Variants in CLIP4 observed in about 807,000 individuals in gnomAD.
The protein encoded by CLIP4 is CAP-Gly domain-containing linker protein 4.
Under a neutral mutation model 73.1 loss-of-function variants are expected in CLIP4, and 47 were observed. The ratio of observed to expected loss-of-function variants is 0.64; its 90% CI spans 0.51 to 0.82. The LOEUF is 0.82. Ranked by LOEUF, CLIP4 falls within the 40% of genes least tolerant of loss-of-function variation. The probability of loss-of-function intolerance (pLI) is 0.00; values close to 1 mark genes in which losing one functional copy is unlikely to be tolerated. For synonymous variants in CLIP4, 306 were observed against 295.4 expected, an observed-to-expected ratio of 1.04 and a Z score of -0.37; for missense variants, 874 against 852.9, an observed-to-expected ratio of 1.02 and a Z score of -0.31.
intron 15 of CLIP4, among the ~76,000 whole-genome samples, chr2:29,177,511 G>A (rs903153841): frequency 6.6e-6 from 1 of 151,984 alleles, no homozygotes; most frequent in African/African-American, 2.4e-5. Context: ...AACCTGGGGG[G>A]CAGAGGTTGC....
chr2:29,107,375 T>TGTTTTTTTTGTTTTTTTTGTTTTTTTTG (rs1558505011), intron 1 of CLIP4, among the ~76,000 whole-genome samples: 3 of 129,226 alleles, frequency 2.3e-5, no homozygotes, highest in Admixed American at 7.9e-5. Context: ...TTTTTTTTTT[T>TGTTTTTTTTGTTTTTTTTGTTTTTTTTG]TTTTTTTTTT....
rs773235139 is a variant in CLIP4, at chr2:29,167,477, G to T, written c.1660G>T (p.Val554Leu). 8.7e-6 allele frequency: 14 copies of T among 1,604,464 alleles called. No individual in the cohort carries two copies. The highest frequency in any genetic ancestry group is 1.0e-5 in the Non-Finnish European group (12 of 1,175,296). Residue 554 changes from valine to leucine, a missense_variant and splice_region_variant, in exon 14 of 16, where the codon GTA becomes TTA. By Grantham distance (32) the Val-to-Leu change is conservative. Transcript: ENST00000320081. ...IFAPPSRVQR[V>L]TDSLDTLSEI... ...AGATGTCCTTTGTTTTATTCATAGA[G>T]TAACAGATTCCCTGGATACCCTTTC... is the stretch of plus-strand genomic sequence containing the variant.
At chr2:29,118,374 C>T (rs1271151351) in intron 1 of CLIP4, 4 of 152,096 alleles carry the variant, frequency 2.6e-5, no homozygotes, top group Non-Finnish European at 4.4e-5. Context: ...ATTTGAGCCA[C>T]GTTATGTAAG....
chr2:29,167,461 T>C lies in CLIP4; in HGVS notation c.1659-15T>C, dbSNP rs7588158. On this transcript the variant is annotated splice_polypyrimidine_tract_variant and intron_variant, in intron 13 of 15. Coordinates refer to ENST00000320081, the MANE Select transcript of CLIP4 (RefSeq NM_024692.6). The stretch of plus-strand genomic sequence containing the variant: ...CCAGCTACTTCTAACGAGATGTCCT[T>C]TGTTTTATTCATAGAGTAACAGATT... 1.1e-3 allele frequency: 1,686 copies of C among 1,582,636 alleles called. 22 individuals are homozygous for C. The African/African-American group carries it at 0.02, about 19-fold the overall frequency.
intron 15 of CLIP4, among the ~76,000 whole-genome samples, chr2:29,176,806 G>A (rs1291314347): frequency 1.3e-5 from 2 of 152,042 alleles, no homozygotes; most frequent in African/African-American, 4.8e-5. Context: ...ATCCTCACTG[G>A]GTCCTGTCTG....
intron 12 of CLIP4, among the ~76,000 whole-genome samples, chr2:29,162,048 A>T (rs1367464275): frequency 6.6e-6 from 1 of 152,198 alleles, no homozygotes; most frequent in Non-Finnish European, 1.5e-5. Context: ...GATATACTTA[A>T]TATAGGATTC....
chr2:29,173,519 G>A (rs182054493), intron 14 of CLIP4, among the ~76,000 whole-genome samples: 10 of 152,328 alleles, frequency 6.6e-5, no homozygotes, highest in African/African-American at 2.4e-4. Context: ...GAATTCAGCG[G>A]AAAGCCTGCT....
chr2:29,172,827 T>G (rs1458366736), intron 14 of CLIP4, among the ~76,000 whole-genome samples: 1 of 152,158 alleles, frequency 6.6e-6, no homozygotes, highest in East Asian at 1.9e-4. Flanking sequence ...TCAGCTATGT[T>G]TATTCTGCTG....
chr2:29,119,329 T>C (rs1001799469), intron 1 of CLIP4, among the ~76,000 whole-genome samples: 1 of 152,202 alleles, frequency 6.6e-6, no homozygotes, highest in African/African-American at 2.4e-5. Flanking sequence ...ACGATAGAGT[T>C]CGTATCTTTG....
In CLIP4 at chr2:29,100,216, C is replaced by G. The variant is rs987354592; in HGVS notation, c.-16+2269C>G. 2.6e-5 allele frequency among the ~76,000 whole-genome samples: 4 copies of G among 152,202 alleles called. No homozygotes were observed. In the East Asian group the frequency reaches 5.8e-4, roughly 22 times the overall value. On this transcript the variant is annotated intron_variant, in intron 1 of 14. Transcript: ENST00000401605. ...AAATTCTGGGATTACAGGCATGAGC[C>G]ACCATGCCTGGCCACAACTGACTTT...
chr2:29,150,133 G>T (rs990209709), intron 8 of CLIP4, among the ~76,000 whole-genome samples: 1 of 152,166 alleles, frequency 6.6e-6, no homozygotes, highest in African/African-American at 2.4e-5. Flanking sequence ...TACATCCTAG[G>T]CAATTCCACC....
At chr2:29,128,454 AAAAAC>A (rs959215968) in intron 2 of CLIP4, among the ~76,000 whole-genome samples, 3 of 152,054 alleles carry the variant, frequency 2.0e-5, no homozygotes, top group Non-Finnish European at 4.4e-5. Flanking sequence ...AAAAACAAAA[AAAAAC>A]AAAACCCCTT....
intron 2 of CLIP4, among the ~76,000 whole-genome samples, chr2:29,124,541 T>C (rs934442470): frequency 5.9e-5 from 9 of 152,174 alleles, no homozygotes; most frequent in African/African-American, 2.2e-4. Context: ...TTTTGTCTGC[T>C]TCTCCCCGTT....
chr2:29,166,841 T>G (rs918341657), intron 13 of CLIP4, among the ~76,000 whole-genome samples: 2 of 152,210 alleles, frequency 1.3e-5, no homozygotes, highest in African/African-American at 4.8e-5. Context: ...GGTAATAAGA[T>G]ATGCTGGAGG....
chr2:29,145,723 C>A (rs1372629330), intron 8 of CLIP4, among the ~76,000 whole-genome samples: 2 of 152,190 alleles, frequency 1.3e-5, no homozygotes, highest in Non-Finnish European at 2.9e-5. Flanking sequence ...GCTCTGTCGC[C>A]CAGGCTATAG....
chr2:29,145,444 A>C, intron 8 of CLIP4, 77 bp downstream of exon 8: 1 of 1,245,940 alleles, frequency 8.0e-7, no homozygotes, highest in Non-Finnish European at 1.1e-6. Context: ...TTGTTAAATA[A>C]AACTTTTCTC....
Position 29,126,579 on chromosome 2 carries a change from C to A in CLIP4, c.134-4679C>A, listed in dbSNP as rs568579733. Among the ~76,000 whole-genome samples the A allele has an allele frequency of 2.0e-5, 3 of 152,308 alleles. No individual in the cohort carries two copies. The South Asian group carries it at 6.2e-4, about 32-fold the overall frequency. On this transcript the variant is annotated intron_variant, in intron 2 of 15. Coordinates refer to ENST00000320081, the MANE Select transcript of CLIP4 (RefSeq NM_024692.6). ...TCTAACTTATTGTTATTTAAATGAGCCCTCTGGAAGGCAGGGCATTAAGAA... is the reference window on the plus strand; with the variant it reads ...TCTAACTTATTGTTATTTAAATGAGACCTCTGGAAGGCAGGGCATTAAGAA...
At chr2:29,127,331 T>C (rs1664670285) in intron 2 of CLIP4, among the ~76,000 whole-genome samples, 1 of 152,168 alleles carries the variant, frequency 6.6e-6, no homozygotes, top group Admixed American at 6.5e-5. Context: ...AAACAAACTT[T>C]CATTGAACTT....
upstream of CLIP4, among the ~76,000 whole-genome samples, chr2:29,113,763 T>C (rs111958377): frequency 0.023 from 3,562 of 152,346 alleles, 116 homozygotes; most frequent in East Asian, 0.091. The surrounding 1 kb of genome is among the most constrained non-coding windows in gnomAD (Gnocchi z 4.0). Context: ...AAAAGTGAAC[T>C]GTATACGTTT....
Sources: gnomAD v4.1 joint callset for allele counts (sites outside exome capture counted in the v4.1 genomes callset) on GRCh38, gnomAD v4.1.1 for gene constraint, Gnocchi (gnomAD v3.1) non-coding constraint, MANE v1.5 for transcripts, NCBI Gene and HGNC (gene_info 2026-07-23, HGNC 2026-07-21) for gene names.